MUC12: variants seen among roughly 807,000 people sequenced by gnomAD.
The protein encoded by MUC12 is mucin-12.
A neutral mutation model predicts 230.8 loss-of-function variants in MUC12; 172 were observed. The ratio of observed to expected loss-of-function variants is 0.75; its 90% CI spans 0.66 to 0.85. The LOEUF is 0.85. Among genes scored for constraint, MUC12 ranks in the 40% least tolerant of loss-of-function variants. The pLI, the probability that MUC12 is intolerant of heterozygous loss-of-function variation, is 0.00. For missense variants in MUC12, 3,506 were observed against 5,920.6 expected (o/e 0.59, Z 13.38); for synonymous variants, 1,259 against 2,401.9 (o/e 0.52, Z 13.91).
intron 5 of MUC12, among the ~76,000 whole-genome samples, chr7:101,012,083 G>A (rs6960098): frequency 0.046 from 7,002 of 152,124 alleles, 226 homozygotes; most frequent in Non-Finnish European, 0.063. Context: ...TCACTCATTG[G>A]CATTTATCAT....
At chr7:100,987,191 C>G (rs1793204499) in intron 1 of MUC12, among the ~76,000 whole-genome samples, 1 of 151,582 alleles carries the variant, frequency 6.6e-6, no homozygotes, top group South Asian at 2.1e-4. Flanking sequence ...CTCAGCCTCC[C>G]AAGTAGCTGG....
At position 100,992,497 on chromosome 7, in the gene MUC12, C is replaced by T. The variant is rs1322669368; in HGVS notation, c.1934C>T (p.Pro645Leu). 17 of 1,537,946 alleles carry T rather than the reference C, an allele frequency of 1.1e-5. No individual in the cohort carries two copies. The African/African-American group carries it at 1.4e-4, about 12-fold the overall frequency. ...TGGCCAAGCTCAAAGGACACTAGGCCTGCACCTCCTACTACCACATCAGCC... is the reference window on the plus strand; with the variant it reads ...TGGCCAAGCTCAAAGGACACTAGGCTTGCACCTCCTACTACCACATCAGCC... ...HSWPSSKDTR[P>L]APPTTTSAFV... The change falls in exon 2 of 12, where the codon CCT (proline) becomes CTT (leucine). Residue 645 changes from proline (P) to leucine (L), a missense_variant. Pro to Leu is a moderately conservative substitution (Grantham distance 98). Transcript: ENST00000536621.
At chr7:100,975,476 C>A (rs1232623276) in intron 1 of MUC12, among the ~76,000 whole-genome samples, 1 of 152,308 alleles carries the variant, frequency 6.6e-6, no homozygotes, top group Non-Finnish European at 1.5e-5. Context: ...AAAATTGACG[C>A]AATTACAAGG....
At chr7:100,970,249 G>A (rs1792842090) in intron 1 of MUC12, among the ~76,000 whole-genome samples, 1 of 152,272 alleles carries the variant, frequency 6.6e-6, no homozygotes, top group African/African-American at 2.4e-5. Context: ...CACTTTGGGA[G>A]GCCAAGGTGG....
rs756358049 is a variant in MUC12 at position 101,004,642 on chromosome 7, T to C, written c.14079T>C (p.Asn4693=). 27 of 1,537,220 alleles carry C rather than the reference T, an allele frequency of 1.8e-5. No homozygotes were observed. The highest frequency in any genetic ancestry group is 2.3e-5 in the Non-Finnish European group (26 of 1,146,626). Residue 4693 remains asparagine (N), a synonymous_variant, in exon 2 of 12, where the codon AAT becomes AAC. Transcript: ENST00000536621. ...CATCCCACAGCAGCCCAGATACAAA[T>C]GGAATCACACCCTTACCTGCCCATT... ...STASHSSPDT[N]GITPLPAHFT...
At position 101,012,888 on chromosome 7, in the gene MUC12, A is replaced by C; in HGVS notation, c.15473A>C (p.Gln5158Pro). Residue 5158 changes from glutamine (Q) to proline (P), a missense_variant and splice_region_variant, in exon 7 of 12, where the codon CAG (glutamine) becomes CCG (proline). Transcript: ENST00000536621. ...TCGGTGACTCCGGGCTTTGACTTCC[A>C]GGGTAAGCGACTACGTGGAGCGTGG... is the stretch of plus-strand genomic sequence containing the variant. ...DSSVTPGFDFQEQCTQKAAEG... is the reference protein window; with the variant it reads ...DSSVTPGFDFPEQCTQKAAEG... The C allele has an allele frequency of 6.5e-7, 1 of 1,537,244 alleles. No individual in the cohort carries two copies. The highest frequency in any genetic ancestry group is 8.7e-7 in the Non-Finnish European group (1 of 1,146,912).
Position 101,009,174 on chromosome 7 carries a change from G to C in MUC12, c.15251+15G>C. On this transcript the variant is annotated intron_variant, in intron 5 of 11. Coordinates refer to ENST00000536621, the MANE Select transcript of MUC12 (RefSeq NM_001164462.2). Reference sequence around the variant, plus strand: ...CGGAGATTGCTGTGAGTATATTGGGGGGCAGGTTTATAGATGTGGGGAAAT... The same window carrying C: ...CGGAGATTGCTGTGAGTATATTGGGCGGCAGGTTTATAGATGTGGGGAAAT... 1 of 1,536,650 alleles carries C rather than the reference G, an allele frequency of 6.5e-7. No homozygotes were observed. Among genetic ancestry groups the C allele is most frequent in the South Asian group, 1.2e-5 (1 of 84,028 alleles).
chr7:100,972,102 T>C, intron 1 of MUC12: 2 of 702,778 alleles, frequency 2.8e-6, no homozygotes, highest in Non-Finnish European at 5.2e-6. Flanking sequence ...AGAGACCCCC[T>C]GCCCTCCTCT....
intron 1 of MUC12, among the ~76,000 whole-genome samples, chr7:100,970,115 A>C (rs1477581491): frequency 6.6e-6 from 1 of 152,304 alleles, no homozygotes; most frequent in South Asian, 2.1e-4. Context: ...GGAGAGAGGG[A>C]GTCCAGAGGG....
intron 1 of MUC12, chr7:100,972,065 A>C: frequency 1.4e-6 from 1 of 702,722 alleles, no homozygotes; most frequent in Non-Finnish European, 2.6e-6. Flanking sequence ...GCCACTCCGG[A>C]GGGCTCCGGA....
rs770995967 is a variant in MUC12, at chr7:100,990,743, G to A, written c.180G>A (p.Thr60=). 7.2e-6 allele frequency: 11 copies of A among 1,537,616 alleles called. No homozygotes were observed. The highest frequency in any genetic ancestry group is 4.8e-5 in the South Asian group (4 of 84,046). ...SDYGVSVTFI[T]GSTATKHFLD... is the part of the protein sequence containing the mutation. Reference sequence around the variant, plus strand: ...ATGGGGTGTCAGTCACATTTATCACGGGCTCAACTGCAACAAAACACTTCC... The same window carrying A: ...ATGGGGTGTCAGTCACATTTATCACAGGCTCAACTGCAACAAAACACTTCC... Residue 60 remains threonine (T), a synonymous_variant, in exon 2 of 12, where the codon ACG becomes ACA. Coordinates refer to ENST00000536621, the MANE Select transcript of MUC12 (RefSeq NM_001164462.2).
rs1324581200 is a variant in MUC12 at position 101,004,963 on chromosome 7, G to A, written c.14400G>A (p.Lys4800=). Residue 4800 remains lysine (K), a synonymous_variant, in exon 2 of 12, where the codon AAG becomes AAA. Transcript: ENST00000536621. ...LSQESTTFHS[K]PGSTETTLSP... The stretch of plus-strand genomic sequence containing the variant: ...AGGAATCAACAACTTTCCACAGTAA[G>A]CCAGGCTCAACTGAGACAACACTGT... 1 of 1,537,542 alleles carries A rather than the reference G, an allele frequency of 6.5e-7. No individual in the cohort carries two copies. The highest frequency in any genetic ancestry group is 2.4e-5 in the East Asian group (1 of 40,914).
At chr7:101,010,585 G>A (rs963924254) in intron 5 of MUC12, among the ~76,000 whole-genome samples, 4 of 151,960 alleles carry the variant, frequency 2.6e-5, no homozygotes, top group East Asian at 1.9e-4. Context: ...GTGCAATCTC[G>A]GCTCACTGCA....
intron 1 of MUC12, chr7:100,972,291 G>T (rs954171593): frequency 1.4e-5 from 10 of 693,102 alleles, no homozygotes; most frequent in Non-Finnish European, 2.6e-5. Flanking sequence ...CTTGACAGTG[G>T]ATTTGTGTCC....
intron 1 of MUC12, among the ~76,000 whole-genome samples, chr7:100,971,501 G>A (rs1404271435): frequency 6.6e-6 from 1 of 152,306 alleles, no homozygotes; most frequent in African/African-American, 2.4e-5. Context: ...TCCCAGCCAG[G>A]GACTCAGGCC....
rs1346182631 is a variant in MUC12 at position 101,004,286 on chromosome 7, A to C, written c.13723A>C (p.Thr4575Pro). The change falls in exon 2 of 12, where the codon ACA (threonine) becomes CCA (proline). Residue 4575 changes from threonine (T) to proline (P), a missense_variant. Thr to Pro is a conservative substitution (Grantham distance 38). Transcript: ENST00000536621. ...AACCTTGGGCCGTAGTGAGGAATCG[A>C]CAACAGTCCACAGCAGCCCAGTTGC... ...STTLGRSEES[T>P]TVHSSPVATA... is the part of the protein sequence containing the mutation. 3.3e-6 allele frequency: 3 copies of C among 908,148 alleles called. No individual in the cohort carries two copies. The highest frequency in any genetic ancestry group is 7.0e-5 in the Admixed American group (2 of 28,742). The allele number at this position is 908,148 out of a possible 1,614,324, so 56.3% of individuals were successfully genotyped here. A position where few individuals can be genotyped will look rare whatever the true frequency, so the allele number is the denominator to read the frequency against.
At chr7:101,012,686 C>G in intron 6 of MUC12, 133 bp from the exon 7 acceptor site, 1 of 1,076,390 alleles carries the variant, frequency 9.3e-7, no homozygotes, top group Non-Finnish European at 1.4e-6. Context: ...AGCTGCATGT[C>G]TAGGGTGGGC....
At chr7:101,016,699 T>TG (rs1444035018) in intron 10 of MUC12, among the ~76,000 whole-genome samples, 1 of 43,584 alleles carries the variant, frequency 2.3e-5, no homozygotes, top group Non-Finnish European at 5.0e-5. Context: ...GCTGAGGGGG[T>TG]GGGGGGAGGG....
In MUC12 at chr7:100,991,835, C is replaced by G; in HGVS notation, c.1272C>G (p.Phe424Leu). The G allele has an allele frequency of 1.3e-6, 2 of 1,537,684 alleles. No individual in the cohort carries two copies. Among genetic ancestry groups the G allele is most frequent in the Non-Finnish European group, 1.7e-6 (2 of 1,146,844 alleles). Residue 424 changes from phenylalanine to leucine, a missense_variant, in exon 2 of 12, where the codon TTC (phenylalanine) becomes TTG (leucine). Coordinates refer to ENST00000536621, the MANE Select transcript of MUC12 (RefSeq NM_001164462.2). The stretch of plus-strand genomic sequence containing the variant: ...TGGGCTCAACTGAAACAACACACTT[C>G]CGTGATAGCTCCACAATCTCAGGCC... ...SSLGSTETTH[F>L]RDSSTISGRS...
Sources: allele counts gnomAD v4.1 joint callset (sites outside exome capture counted in the v4.1 genomes callset), GRCh38; gene constraint gnomAD v4.1.1; transcripts MANE v1.5; gene names NCBI Gene and HGNC (gene_info 2026-07-23, HGNC 2026-07-21).